Variants in RHBDF1 observed in about 807,000 individuals in gnomAD.
The protein encoded by RHBDF1 is rhomboid 5 homolog 1.
RHBDF1 carries 80 observed loss-of-function variants against 98.6 expected under a neutral mutation model. The ratio of observed to expected loss-of-function variants is 0.81; its 90% CI spans 0.68 to 0.98. The LOEUF is 0.98. Ranked by LOEUF, RHBDF1 falls within the 50% of genes least tolerant of loss-of-function variation. The probability of loss-of-function intolerance (pLI) is 0.00; values close to 1 mark genes in which losing one functional copy is unlikely to be tolerated. For synonymous variants in RHBDF1, 512 were observed against 486.8 expected, an observed-to-expected ratio of 1.05 and a Z score of -0.68; for missense variants, 1,116 against 1,198.3, an observed-to-expected ratio of 0.93 and a Z score of 1.01.
chr16:63,824 G>A (rs749057819), intron 3 of RHBDF1, 24 bp from the exon 4 acceptor site: 20 of 1,604,998 alleles, frequency 1.2e-5, no homozygotes, highest in Non-Finnish European at 1.5e-5. Flanking sequence ...GACTCAGCAA[G>A]GGGCGGCCAG....
At position 58,463 on chromosome 16, in the gene RHBDF1, C is replaced by A. The variant is rs368957950; in HGVS notation, c.2445G>T (p.Leu815=). The A allele has an allele frequency of 5.6e-5, 91 of 1,613,986 alleles. No homozygotes were observed. Among genetic ancestry groups the A allele is most frequent in the Non-Finnish European group, 5.0e-5 (59 of 1,180,050 alleles). The change falls in exon 18 of 18, where the codon CTG becomes CTT. Residue 815 remains leucine (L), a synonymous_variant. Transcript: ENST00000262316. ...CGTAGAAGAGGACCACCAGGCCAGC[C>A]AGGAGGCCCAGGAAGACCACCTGAA... ...IIFQVVFLGL[L]AGLVVLFYVY...
chr16:58,334 G>A lies in RHBDF1; in HGVS notation c.*6C>T. ...GAGCACACGGCCGCTGGAGCCCGCA[G>A]CCAGCTCAGTGGAGCTGAGCGTCCA... On this transcript the variant is annotated 3_prime_UTR_variant, in exon 18 of 18. Coordinates refer to ENST00000262316, the MANE Select transcript of RHBDF1 (RefSeq NM_022450.5). 1 of 1,606,224 alleles carries A rather than the reference G, an allele frequency of 6.2e-7. No homozygotes were observed. Among genetic ancestry groups the A allele is most frequent in the Non-Finnish European group, 8.5e-7 (1 of 1,175,644 alleles).
intron 1 of RHBDF1, among the ~76,000 whole-genome samples, chr16:68,021 C>T (rs936251806): frequency 3.3e-5 from 5 of 152,048 alleles, no homozygotes; most frequent in African/African-American, 9.7e-5. Context: ...CTGTCTCAGC[C>T]GGGGACCACA....
chr16:75,511 T>C (rs1193648578), upstream of RHBDF1, among the ~76,000 whole-genome samples: 2 of 152,118 alleles, frequency 1.3e-5, no homozygotes, highest in Non-Finnish European at 2.9e-5. Flanking sequence ...CCTGGCTATT[T>C]GGGGAAGAGG....
rs998763769 is a variant in RHBDF1, at chr16:62,136, T to C, written c.954-84A>G. 2.8e-6 allele frequency: 4 copies of C among 1,423,852 alleles called. No homozygotes were observed. The African/African-American group carries it at 4.3e-5, about 15-fold the overall frequency. 88.2% of individuals were successfully genotyped at this position (1,423,852 alleles called of 1,614,324 possible). A position where few individuals can be genotyped will look rare whatever the true frequency, so the allele number is the denominator to read the frequency against. ...CCGGGGGGCACCAGGGCACCCTGTC[T>C]CTATCCTGGCGAATATACTGCGCAA... On this transcript the variant is annotated intron_variant, in intron 7 of 17. Coordinates refer to ENST00000262316, the MANE Select transcript of RHBDF1 (RefSeq NM_022450.5).
chr16:72,758 G>A (rs1238388152), upstream of RHBDF1: 48 of 917,848 alleles, frequency 5.2e-5, no homozygotes, highest in Non-Finnish European at 6.0e-5. Context: ...GAAGGCCGCC[G>A]GGCTCCCTTC....
intron 1 of RHBDF1, among the ~76,000 whole-genome samples, chr16:68,127 C>T (rs1174174440): frequency 6.6e-6 from 1 of 152,176 alleles, no homozygotes; most frequent in Non-Finnish European, 1.5e-5. Context: ...GAGGCACCAG[C>T]CGCCATGCCT....
At chr16:66,868 C>A (rs756674845) in intron 1 of RHBDF1, among the ~76,000 whole-genome samples, 1 of 152,214 alleles carries the variant, frequency 6.6e-6, no homozygotes, top group Non-Finnish European at 1.5e-5. Context: ...TGCAGAGCCC[C>A]AGAGTGCAAC....
intron 3 of RHBDF1, chr16:64,067 G>A (rs1476469739): frequency 1.6e-6 from 1 of 642,754 alleles, no homozygotes; most frequent in African/African-American, 1.8e-5. Flanking sequence ...TCCCTGAGGG[G>A]CAGTTGAGGG....
In RHBDF1 at chr16:70,072, A is replaced by G. The variant is rs75936443; in HGVS notation, c.-25+2441T>C. 4.6e-3 allele frequency among the ~76,000 whole-genome samples: 707 copies of G among 152,256 alleles called. 8 individuals carry two copies. The highest frequency in any genetic ancestry group is 0.016 in the African/African-American group (660 of 41,540). Reference sequence around the variant, plus strand: ...ATGTGGCACAGGGGTCACCAGAGCTAAACCCCTGACTCAGTTGGGTCTGAC... The same window carrying G: ...ATGTGGCACAGGGGTCACCAGAGCTGAACCCCTGACTCAGTTGGGTCTGAC... On this transcript the variant is annotated intron_variant, in intron 1 of 17. Transcript: ENST00000262316.
chr16:73,360 C>G (rs1898026930), upstream of RHBDF1, among the ~76,000 whole-genome samples: 1 of 152,178 alleles, frequency 6.6e-6, no homozygotes, highest in South Asian at 2.1e-4. Context: ...TGCACCGGCC[C>G]CACCCGAAGC....
chr16:59,645 T>C, intron 14 of RHBDF1, 87 bp downstream of exon 14: 7 of 1,528,232 alleles, frequency 4.6e-6, no homozygotes, highest in Non-Finnish European at 6.2e-6. Context: ...TACTGGCTTA[T>C]TTCAGGATTT....
intron 1 of RHBDF1, among the ~76,000 whole-genome samples, chr16:67,924 G>A (rs536286754): frequency 6.6e-5 from 10 of 152,260 alleles, no homozygotes; most frequent in South Asian, 4.2e-4. Flanking sequence ...GAGAAGAGCC[G>A]AGAGCTGTGA....
At chr16:63,465 G>T in intron 4 of RHBDF1, 122 bp downstream of exon 4, 1 of 872,564 alleles carries the variant, frequency 1.1e-6, no homozygotes, top group Non-Finnish European at 1.7e-6. Context: ...CAGGCTGTCT[G>T]ACTGCCCTTC....
At position 70,012 on chromosome 16, in the gene RHBDF1, G is replaced by GGC. The variant is rs59993967; in HGVS notation, c.-25+2500_-25+2501insGC. On this transcript the variant is annotated intron_variant, in intron 1 of 17. Transcript: ENST00000262316. ...ACAAAGGGGCCAGCACTTGGCAGGA[G>GGC]GGGGGGGGGCACTGCCCCAAGGCTC... 7.7e-3 allele frequency among the ~76,000 whole-genome samples: 847 copies of GGC among 110,294 alleles called. 16 individuals are homozygous for GGC. The highest frequency in any genetic ancestry group is 0.058 in the African/African-American group (796 of 13,804). 72.4% of individuals were successfully genotyped at this position (110,294 alleles called of 152,430 possible).
At chr16:74,191 G>A (rs1437178737), upstream of RHBDF1, among the ~76,000 whole-genome samples, 1 of 152,136 alleles carries the variant, frequency 6.6e-6, no homozygotes, top group Non-Finnish European at 1.5e-5. Flanking sequence ...CCCCTCCCAT[G>A]CCAGGCTCAC....
intron 1 of RHBDF1, among the ~76,000 whole-genome samples, chr16:66,500 A>T (rs1213005106): frequency 6.6e-6 from 1 of 152,050 alleles, no homozygotes; most frequent in Non-Finnish European, 1.5e-5. Flanking sequence ...GCTCCTTCCG[A>T]CCCTGTACTA....
chr16:62,918 A>C, intron 5 of RHBDF1, 21 bp from the exon 6 acceptor site: 1 of 1,613,356 alleles, frequency 6.2e-7, no homozygotes, highest in Non-Finnish European at 8.5e-7. Flanking sequence ...GGAAGTGAGC[A>C]TGAGACCCGG....
At chr16:66,899 C>T (rs1484677555) in intron 1 of RHBDF1, among the ~76,000 whole-genome samples, 2 of 152,212 alleles carry the variant, frequency 1.3e-5, no homozygotes, top group Non-Finnish European at 2.9e-5. Flanking sequence ...AGAAAGGCAT[C>T]CTAACTGAGA....
Sources: allele counts gnomAD v4.1 joint callset (sites outside exome capture counted in the v4.1 genomes callset), GRCh38; gene constraint gnomAD v4.1.1; transcripts MANE v1.5; gene names NCBI Gene and HGNC (gene_info 2026-07-23, HGNC 2026-07-21).